Variants in RPS17 observed in about 807,000 individuals in gnomAD.
The protein encoded by RPS17 is small ribosomal subunit protein eS17.
For missense variants in RPS17, 68 were observed against 182.3 expected, an observed-to-expected ratio of 0.37 and a Z score of 3.61; for synonymous variants, 75 against 65.6, an observed-to-expected ratio of 1.14 and a Z score of -0.70.
intron 4 of RPS17, chr15:82,538,030 C>T: frequency 2.0e-6 from 1 of 509,154 alleles, no homozygotes; most frequent in Non-Finnish European, 3.9e-6. Context: ...ACAAAGGGGG[C>T]AACGTAAGCC....
chr15:82,537,110 T>G, intron 4 of RPS17: 1 of 625,570 alleles, frequency 1.6e-6, no homozygotes, highest in South Asian at 1.9e-5. Context: ...TCTATGACTT[T>G]TACCCAATGT....
intron 1 of RPS17, 124 bp from the exon 2 acceptor site, chr15:82,540,256 A>G (rs895508522): frequency 6.2e-7 from 1 of 1,604,172 alleles, no homozygotes; most frequent in Non-Finnish European, 8.5e-7. Flanking sequence ...GGGCCCGGCT[A>G]AACAGTGCCG....
chr15:82,537,759 A>G (rs1293346130), intron 4 of RPS17: 1 of 428,294 alleles, frequency 2.3e-6, no homozygotes, highest in Non-Finnish European at 4.6e-6. Context: ...TAAACATTTA[A>G]TGACCATAAA....
intron 4 of RPS17, chr15:82,537,357 C>A (rs1370785475): frequency 3.6e-6 from 1 of 281,004 alleles, no homozygotes; most frequent in African/African-American, 2.2e-5. Context: ...TCCTCTAAAG[C>A]AAAACTCTGT....
chr15:82,536,977 A>C, intron 4 of RPS17, 96 bp from the exon 5 acceptor site: 156 of 1,472,884 alleles, frequency 1.1e-4, no homozygotes, highest in Non-Finnish European at 1.3e-4. Context: ...CAGCACTCTC[A>C]AGGGGGTCCA....
intron 2 of RPS17, chr15:82,539,218 A>G: frequency 1.6e-6 from 1 of 631,186 alleles, no homozygotes. Context: ...CAAGCGCCCC[A>G]CCCCCAACTC....
Position 82,536,756 on chromosome 15 carries a change from G to T in RPS17, c.*45C>A, listed in dbSNP as rs1456765771. On this transcript the variant is annotated 3_prime_UTR_variant, in exon 5 of 5. Transcript: ENST00000647841. ...CTGCAAAGATGACACAGGCAAGGCT[G>T]TTGTCCCAGATTTATTGAAAATAAT... The T allele has an allele frequency of 3.4e-5, 55 of 1,608,814 alleles. No homozygotes were observed. The East Asian group carries it at 4.5e-4, about 13-fold the overall frequency.
rs915729899 is a variant in RPS17, at chr15:82,540,067, G to T, written c.69C>A (p.Arg23=). The change falls in exon 2 of 5, where the codon CGC becomes CGA. Residue 23 remains arginine, a synonymous_variant. Transcript: ENST00000647841. ...ARVIIEKYYT[R]LGNDFHTNKR... The stretch of plus-strand genomic sequence containing the variant: ...TGTTCGTGTGGAAGTCGTTGCCCAG[G>T]CGCGTGTAGTACTTTTCTATGATGA... 128 of 1,612,894 alleles carry T rather than the reference G, an allele frequency of 7.9e-5. No homozygotes were observed. Among genetic ancestry groups the T allele is most frequent in the Admixed American group, 1.3e-4 (8 of 60,006 alleles).
At chr15:82,540,294 G>A (rs542153649) in intron 1 of RPS17, 132 bp downstream of exon 1, 219 of 1,586,184 alleles carry the variant, frequency 1.4e-4, no homozygotes, top group Non-Finnish European at 1.6e-4. Flanking sequence ...GGAAGCCGCC[G>A]GCCCGTTGCG....
rs2034331350 is a variant in RPS17 at position 82,540,419 on chromosome 15, C to T, written c.3+7G>A. On this transcript the variant is annotated splice_region_variant and intron_variant, in intron 1 of 4. Coordinates refer to ENST00000647841, the MANE Select transcript of RPS17 (RefSeq NM_001021.6). ...GGAGGATGGCGGCCTCGAGCCAAAA[C>T]ACCTACCATGTTGGCGGGTCCTTGG... 2 of 1,596,352 alleles carry T rather than the reference C, an allele frequency of 1.3e-6. No homozygotes were observed. The highest frequency in any genetic ancestry group is 1.1e-5 in the South Asian group (1 of 88,006).
In RPS17 at chr15:82,537,311, A is replaced by C. The variant is rs1478001524; in HGVS notation, c.328-430T>G. 2.0e-5 allele frequency: 6 copies of C among 294,680 alleles called. No homozygotes were observed. In the East Asian group the frequency reaches 4.9e-4, roughly 24 times the overall value. The allele number at this position is 294,680 out of a possible 1,614,324, so 18.3% of individuals were successfully genotyped here. A position where few individuals can be genotyped will look rare whatever the true frequency, so the allele number is the denominator to read the frequency against. On this transcript the variant is annotated intron_variant, in intron 4 of 4. Coordinates refer to ENST00000647841, the MANE Select transcript of RPS17 (RefSeq NM_001021.6). The stretch of plus-strand genomic sequence containing the variant: ...AGAAGTTAGCAGGTATCCCCTGGCT[A>C]TGAGAACGAAAAATGTGTCTGGACA...
chr15:82,540,183 A>C, intron 1 of RPS17, 51 bp from the exon 2 acceptor site: 2 of 1,613,308 alleles, frequency 1.2e-6, no homozygotes, highest in Non-Finnish European at 1.7e-6. Context: ...ACCTTCTGGG[A>C]AGAGTGCGGC....
intron 2 of RPS17, 126 bp from the exon 3 acceptor site, chr15:82,539,111 A>G (rs1042154315): frequency 5.9e-5 from 57 of 970,862 alleles, no homozygotes; most frequent in Non-Finnish European, 5.2e-5. Context: ...AAGAGGACTC[A>G]CTATCCTGGG....
At position 82,540,243 on chromosome 15, in the gene RPS17, A is replaced by G. The variant is rs1031330945; in HGVS notation, c.4-111T>C. ...GGGACCGCCGGCTGCGCTGAGCCGG[A>G]GAGGGCCCGGCTAAACAGTGCCGGG... On this transcript the variant is annotated intron_variant, in intron 1 of 4. Transcript: ENST00000647841. The G allele has an allele frequency of 9.6e-4, 1,546 of 1,607,526 alleles. 2 individuals are homozygous for G. The highest frequency in any genetic ancestry group is 1.2e-3 in the Non-Finnish European group (1,447 of 1,176,380).
Position 82,536,876 on chromosome 15 carries a change from G to C in RPS17, c.333C>G (p.Phe111Leu). The stretch of plus-strand genomic sequence containing the variant: ...TGACCTGAAGGTTGGACAGACTGCC[G>C]AAGTCCTGGAACGAGAAAATGGATT... ...DTKEMLKLLD[F>L]GSLSNLQVTQ... The change falls in exon 5 of 5, where the codon TTC becomes TTG. Residue 111 changes from phenylalanine to leucine, a missense_variant. Coordinates refer to ENST00000647841, the MANE Select transcript of RPS17 (RefSeq NM_001021.6). The C allele has an allele frequency of 6.2e-7, 1 of 1,613,972 alleles. No homozygotes were observed. The highest frequency in any genetic ancestry group is 8.5e-7 in the Non-Finnish European group (1 of 1,179,876).
intron 2 of RPS17, 185 bp from the exon 3 acceptor site, chr15:82,539,170 G>T: frequency 1.4e-6 from 1 of 714,942 alleles, no homozygotes; most frequent in East Asian, 2.7e-5. Flanking sequence ...CTTCCCCTTG[G>T]TTTCTCACTC....
chr15:82,538,659 C>A, intron 3 of RPS17: 3 of 659,252 alleles, frequency 4.6e-6, no homozygotes, highest in Non-Finnish European at 5.4e-6. Flanking sequence ...GTCATCAAAT[C>A]AACATTAAGG....
chr15:82,539,347 C>A (rs947184832), intron 2 of RPS17: 23 of 477,678 alleles, frequency 4.8e-5, no homozygotes, highest in African/African-American at 1.8e-4. Context: ...AGGCCATATG[C>A]CTATAAATCT....
intron 3 of RPS17, 108 bp from the exon 4 acceptor site, chr15:82,538,479 G>A: frequency 8.0e-7 from 1 of 1,242,320 alleles, no homozygotes; most frequent in Non-Finnish European, 1.2e-6. Flanking sequence ...GCTGCACAAG[G>A]ATAGCATTCC....
Sources: allele counts gnomAD v4.1 joint callset, GRCh38; gene constraint gnomAD v4.1.1; transcripts MANE v1.5; gene names NCBI Gene and HGNC (gene_info 2026-07-23, HGNC 2026-07-21).